The following PHF21A variants were observed in gnomAD, a reference collection of about 807,000 sequenced individuals.
The protein encoded by PHF21A is PHD finger protein 21A, also known as BHC80a.
Under a neutral mutation model 82.5 loss-of-function variants are expected in PHF21A, and 11 were observed. That is an observed-to-expected ratio of 0.13 (90% CI 0.08 to 0.22). PHF21A has a LOEUF of 0.22. Ranked by LOEUF, PHF21A falls within the 10% of genes least tolerant of loss-of-function variation. The pLI, the probability that PHF21A is intolerant of heterozygous loss-of-function variation, is 1.00. For synonymous variants in PHF21A, 297 were observed against 302.8 expected, an observed-to-expected ratio of 0.98 and a Z score of 0.20; for missense variants, 579 against 837.8, an observed-to-expected ratio of 0.69 and a Z score of 3.81.
At chr11:45,988,612 G>A (rs1326506391) in intron 6 of PHF21A, among the ~76,000 whole-genome samples, 1 of 152,188 alleles carries the variant, frequency 6.6e-6, no homozygotes, top group African/African-American at 2.4e-5. Flanking sequence ...TGCTAGGCCA[G>A]GCGTGGTGGC....
At chr11:45,962,179 C>T (rs542274248) in intron 10 of PHF21A, among the ~76,000 whole-genome samples, 35 of 152,274 alleles carry the variant, frequency 2.3e-4, no homozygotes, top group African/African-American at 6.7e-4. Context: ...ACATCACATG[C>T]AGCATAGCAA....
intron 11 of PHF21A, among the ~76,000 whole-genome samples, chr11:45,951,604 T>C (rs1178693100): frequency 6.6e-6 from 1 of 152,142 alleles, no homozygotes; most frequent in Non-Finnish European, 1.5e-5. Flanking sequence ...CACTATTCCT[T>C]AGAAATATAA....
At chr11:46,080,436 G>C (rs1381309476) in intron 4 of PHF21A, among the ~76,000 whole-genome samples, 1 of 151,804 alleles carries the variant, frequency 6.6e-6, no homozygotes, top group African/African-American at 2.4e-5. Context: ...TGAGATTAAG[G>C]TGTGAGCCAC....
intron 1 of PHF21A, among the ~76,000 whole-genome samples, chr11:46,113,212 TA>T (rs2097242197): frequency 6.6e-6 from 1 of 152,234 alleles, no homozygotes; most frequent in Non-Finnish European, 1.5e-5. Flanking sequence ...TTGTAGTAAG[TA>T]AACCACGTTA....
Position 46,073,144 on chromosome 11 carries a change from T to C in PHF21A, c.153+3610A>G, listed in dbSNP as rs552555750. ...GAGATCTAGACCATCCTGGCTAACA[T>C]GATGAAACCCGGTCTCTACTAAAAA... On this transcript the variant is annotated intron_variant, in intron 6 of 18. Transcript: ENST00000676320. Among the ~76,000 whole-genome samples, 12 of 152,034 alleles carry C rather than the reference T, an allele frequency of 7.9e-5. No homozygotes were observed. In the South Asian group the frequency reaches 2.5e-3, roughly 32 times the overall value.
intron 6 of PHF21A, among the ~76,000 whole-genome samples, chr11:45,981,598 A>G (rs970199658): frequency 6.6e-6 from 1 of 151,952 alleles, no homozygotes. Context: ...TATCTCATAC[A>G]CTTTCAAGTT....
At chr11:45,956,731 A>C (rs2092670497) in intron 10 of PHF21A, among the ~76,000 whole-genome samples, 1 of 152,218 alleles carries the variant, frequency 6.6e-6, no homozygotes, top group African/African-American at 2.4e-5. Context: ...AAAAAATCAA[A>C]CAAAAAAGGC....
At chr11:46,101,845 G>A (rs1190999872) in intron 1 of PHF21A, among the ~76,000 whole-genome samples, 1 of 150,408 alleles carries the variant, frequency 6.6e-6, no homozygotes, top group Non-Finnish European at 1.5e-5. Flanking sequence ...CATGTTGCCC[G>A]TGCTGGTCTC....
intron 6 of PHF21A, among the ~76,000 whole-genome samples, chr11:45,987,309 C>T (rs896308319): frequency 3.4e-5 from 5 of 147,694 alleles, no homozygotes; most frequent in East Asian, 2.0e-4. Context: ...AGACCCTAGA[C>T]GCAGTAAATA....
chr11:45,940,152 A>G (rs1379493272), intron 15 of PHF21A, among the ~76,000 whole-genome samples: 1 of 152,048 alleles, frequency 6.6e-6, no homozygotes, highest in Non-Finnish European at 1.5e-5. Flanking sequence ...AAAAGGCTAC[A>G]CAAGTTTTAA....
chr11:46,068,685 A>T (rs1215061204), intron 6 of PHF21A, among the ~76,000 whole-genome samples: 2 of 152,174 alleles, frequency 1.3e-5, no homozygotes, highest in African/African-American at 4.8e-5. Flanking sequence ...AAAATACAGT[A>T]GATTCCAGTC....
chr11:46,049,435 GT>G (rs1336876153), intron 6 of PHF21A: 2 of 456,152 alleles, frequency 4.4e-6, no homozygotes, highest in East Asian at 1.4e-4. Flanking sequence ...CTTCAACACA[GT>G]GTATTCCTGT....
intron 1 of PHF21A, among the ~76,000 whole-genome samples, chr11:46,095,984 A>C (rs1441909336): frequency 6.6e-6 from 1 of 152,130 alleles, no homozygotes; most frequent in East Asian, 1.9e-4. Context: ...GAGGCCCCCA[A>C]ACTGAGTTTT....
At chr11:46,086,775 T>C (rs371677855) in intron 3 of PHF21A, among the ~76,000 whole-genome samples, 4 of 152,314 alleles carry the variant, frequency 2.6e-5, no homozygotes, top group African/African-American at 9.6e-5. Context: ...CATAAAACCA[T>C]AGTTCAATTC....
intron 6 of PHF21A, among the ~76,000 whole-genome samples, chr11:46,004,741 T>C (rs1421248993): frequency 1.3e-5 from 2 of 152,148 alleles, no homozygotes; most frequent in East Asian, 1.9e-4. Flanking sequence ...ATGCTTTCCA[T>C]TGAACTGTCT....
At chr11:46,024,093 G>A (rs1379898928) in intron 6 of PHF21A, among the ~76,000 whole-genome samples, 1 of 152,234 alleles carries the variant, frequency 6.6e-6, no homozygotes, top group Non-Finnish European at 1.5e-5. Context: ...AGCAAGGAAA[G>A]GGCAAGGTGG....
chr11:45,986,207 T>A (rs1428271542), intron 6 of PHF21A, among the ~76,000 whole-genome samples: 1 of 151,966 alleles, frequency 6.6e-6, no homozygotes, highest in Non-Finnish European at 1.5e-5. Context: ...TCTAAAAATT[T>A]AGACTTTAGA....
At chr11:45,972,431 G>A (rs1377026674) in intron 7 of PHF21A, among the ~76,000 whole-genome samples, 1 of 152,108 alleles carries the variant, frequency 6.6e-6, no homozygotes, top group Non-Finnish European at 1.5e-5. Flanking sequence ...CACCTTTACT[G>A]TATATTTGCA....
intron 18 of PHF21A, 57 bp from the exon 19 acceptor site, chr11:45,934,282 C>A: frequency 6.4e-7 from 1 of 1,558,990 alleles, no homozygotes; most frequent in Non-Finnish European, 8.7e-7. Flanking sequence ...ACAGGCCTGG[C>A]AGCCCCTAAG....
Sources: gnomAD v4.1 joint callset for allele counts (sites outside exome capture counted in the v4.1 genomes callset) on GRCh38, gnomAD v4.1.1 for gene constraint, MANE v1.5 for transcripts, NCBI Gene and HGNC (gene_info 2026-07-23, HGNC 2026-07-21) for gene names.